SORCS3: variants seen among roughly 807,000 people sequenced by gnomAD.
The protein encoded by SORCS3 is sortilin related VPS10 domain containing receptor 3.
SORCS3 carries 57 observed loss-of-function variants against 146.3 expected under a neutral mutation model. That is an observed-to-expected ratio of 0.39 (90% CI 0.31 to 0.49). The LOEUF (loss-of-function observed/expected upper bound fraction) is 0.49, where lower values mean the gene tolerates loss of function less well. Ranked by LOEUF, SORCS3 falls within the 20% of genes least tolerant of loss-of-function variation. The pLI, the probability that SORCS3 is intolerant of heterozygous loss-of-function variation, is 0.92. For missense variants in SORCS3, 1,341 were observed against 1,575.5 expected (o/e 0.85, Z 2.52); for synonymous variants, 653 against 618.5 (o/e 1.06, Z -0.83).
chr10:105,123,989 T>C (rs775948790), intron 7 of SORCS3, among the ~76,000 whole-genome samples: 1 of 152,210 alleles, frequency 6.6e-6, no homozygotes. Flanking sequence ...GTATATAAAA[T>C]ATCCCTAGAT....
intron 1 of SORCS3, among the ~76,000 whole-genome samples, chr10:104,667,229 C>T (rs1227185361): frequency 2.0e-5 from 3 of 152,166 alleles, no homozygotes; most frequent in African/African-American, 4.8e-5. Flanking sequence ...GCACTGTGCT[C>T]ACATATGTAC....
At chr10:104,998,834 T>C (rs1052518642) in intron 4 of SORCS3, among the ~76,000 whole-genome samples, 1 of 152,158 alleles carries the variant, frequency 6.6e-6, no homozygotes, top group African/African-American at 2.4e-5. Context: ...GACTGGCTTA[T>C]CTTTACTCGT....
At chr10:105,166,154 A>G (rs1159981614) in intron 12 of SORCS3, among the ~76,000 whole-genome samples, 1 of 152,154 alleles carries the variant, frequency 6.6e-6, no homozygotes, top group African/African-American at 2.4e-5. Flanking sequence ...ATAAATATGT[A>G]AAAAAAGAGG....
intron 2 of SORCS3, among the ~76,000 whole-genome samples, chr10:104,906,472 A>G (rs971151196): frequency 6.6e-6 from 1 of 152,220 alleles, no homozygotes; most frequent in Non-Finnish European, 1.5e-5. Flanking sequence ...TCCTTCTGTG[A>G]TAATATTATT....
intron 3 of SORCS3, among the ~76,000 whole-genome samples, chr10:104,971,978 G>C (rs2054863141): frequency 6.6e-6 from 1 of 152,154 alleles, no homozygotes; most frequent in African/African-American, 2.4e-5. Context: ...TAAAAAGTTT[G>C]TCTATCTTTA....
intron 2 of SORCS3, among the ~76,000 whole-genome samples, chr10:104,871,996 ACTACT>A (rs2018523543): frequency 6.6e-6 from 1 of 152,160 alleles, no homozygotes; most frequent in Admixed American, 6.5e-5. Flanking sequence ...ACACCCTGAG[ACTACT>A]CTGCTCACAC....
In SORCS3 at chr10:104,641,291, C is replaced by T; in HGVS notation, c.-37C>T. 1 of 1,241,814 alleles carries T rather than the reference C, an allele frequency of 8.1e-7. No individual in the cohort carries two copies. Among genetic ancestry groups the T allele is most frequent in the Non-Finnish European group, 1.0e-6 (1 of 994,664 alleles). 76.9% of individuals were successfully genotyped at this position (1,241,814 alleles called of 1,614,324 possible). A position where few individuals can be genotyped will look rare whatever the true frequency, so the allele number is the denominator to read the frequency against. ...CGGACCCGCACCTCGGCGGGCGCCA[C>T]ACACTCGGCAGCCCGAGCCGCGGTA... On this transcript the variant is annotated 5_prime_UTR_variant, in exon 1 of 27. Coordinates refer to ENST00000369701, the MANE Select transcript of SORCS3 (RefSeq NM_014978.3). The surrounding 1 kb of genome is among the most constrained non-coding windows in gnomAD (Gnocchi z 6.4).
intron 17 of SORCS3, among the ~76,000 whole-genome samples, chr10:105,212,141 G>A (rs2056637832): frequency 6.6e-6 from 1 of 152,092 alleles, no homozygotes; most frequent in African/African-American, 2.4e-5. Context: ...GATGTAGATA[G>A]GTTGAGTACT....
rs1443275541 is a variant in SORCS3, at chr10:105,214,570, C to T, written c.2504C>T (p.Ala835Val). The T allele has an allele frequency of 1.2e-6, 2 of 1,608,288 alleles. No individual in the cohort carries two copies. The highest frequency in any genetic ancestry group is 1.7e-6 in the Non-Finnish European group (2 of 1,177,438). ...HVVTTDGRLV[A>V]EQGHNATFII... ...GTGACGACCGATGGGCGGCTGGTGG[C>T]AGAGCAGGGGCACAATGCAACTTTC... The change falls in exon 18 of 27, where the codon GCA becomes GTA. Residue 835 changes from alanine (A) to valine (V), a missense_variant. Transcript: ENST00000369701.
At chr10:104,893,884 T>C (rs569455504) in intron 2 of SORCS3, among the ~76,000 whole-genome samples, 1 of 152,294 alleles carries the variant, frequency 6.6e-6, no homozygotes, top group South Asian at 2.1e-4. Context: ...TTTTCTCCTG[T>C]GACAAATTTA....
Position 105,252,795 on chromosome 10 carries a change from C to T in SORCS3, c.3126C>T (p.Asp1042=), listed in dbSNP as rs1334580946. 6.2e-7 allele frequency: 1 copy of T among 1,614,018 alleles called. No individual in the cohort carries two copies. Among genetic ancestry groups the T allele is most frequent in the Non-Finnish European group, 8.5e-7 (1 of 1,179,956 alleles). ...ALVKVTSVPE[D]QILIAVFPGL... The stretch of plus-strand genomic sequence containing the variant: ...TGCAGGTAACCAGTGTCCCAGAGGA[C>T]CAGATCCTCATTGCCGTGTTTCCTG... The change falls in exon 23 of 27, where the codon GAC becomes GAT. Residue 1042 remains aspartate (D), a synonymous_variant. Transcript: ENST00000369701.
At chr10:105,149,646 G>A (rs866355583) in intron 9 of SORCS3, among the ~76,000 whole-genome samples, 18 of 152,280 alleles carry the variant, frequency 1.2e-4, no homozygotes, top group Middle Eastern at 3.4e-3. Context: ...ATAAGACTGT[G>A]ATTCATGTCC....
chr10:104,817,808 G>A (rs2998426), intron 1 of SORCS3, among the ~76,000 whole-genome samples: 149,573 of 149,752 alleles, frequency 1, 74,698 homozygotes, highest in Middle Eastern at 1. Flanking sequence ...GTTTTTGCTC[G>A]TGGTCCCACA....
intron 25 of SORCS3, among the ~76,000 whole-genome samples, chr10:105,260,113 A>G (rs780571526): frequency 3.9e-5 from 6 of 152,208 alleles, no homozygotes; most frequent in Non-Finnish European, 7.4e-5. Context: ...AAGATGAAAA[A>G]TATGCCAGTT....
At chr10:105,094,654 A>G (rs2055733354) in intron 6 of SORCS3, among the ~76,000 whole-genome samples, 1 of 152,236 alleles carries the variant, frequency 6.6e-6, no homozygotes, top group South Asian at 2.1e-4. Context: ...GCACACTCTG[A>G]CAAGGACTTT....
intron 4 of SORCS3, among the ~76,000 whole-genome samples, chr10:105,034,455 G>A (rs1277788528): frequency 2.0e-5 from 3 of 152,126 alleles, no homozygotes; most frequent in Admixed American, 6.5e-5. Flanking sequence ...GGTGGGAGAT[G>A]AGCATGATGT....
intron 1 of SORCS3, among the ~76,000 whole-genome samples, chr10:104,771,795 C>T (rs567217883): frequency 6.6e-6 from 1 of 151,552 alleles, no homozygotes. Context: ...CTTCAAGCAA[C>T]CTGCATCACA....
intron 3 of SORCS3, among the ~76,000 whole-genome samples, chr10:104,950,880 G>A (rs996705001): frequency 2.0e-5 from 3 of 152,170 alleles, no homozygotes; most frequent in African/African-American, 4.8e-5. Context: ...TGTTTCCTCA[G>A]TACTCTCTAA....
chr10:105,058,848 G>A (rs1288129579), intron 5 of SORCS3, among the ~76,000 whole-genome samples: 1 of 152,216 alleles, frequency 6.6e-6, no homozygotes, highest in Non-Finnish European at 1.5e-5. Context: ...ATAGAATAGA[G>A]TAGAATAACT....
Sources: gnomAD v4.1 joint callset for allele counts (sites outside exome capture counted in the v4.1 genomes callset) on GRCh38, gnomAD v4.1.1 for gene constraint, Gnocchi (gnomAD v3.1) non-coding constraint, MANE v1.5 for transcripts, NCBI Gene and HGNC (gene_info 2026-07-23, HGNC 2026-07-21) for gene names.